LRRTM3: variants seen among roughly 807,000 people sequenced by gnomAD.
LRRTM3 encodes the protein leucine rich repeat transmembrane neuronal 3.
Under a neutral mutation model 44.7 loss-of-function variants are expected in LRRTM3, and 24 were observed. The observed-to-expected ratio is 0.54, with a 90% CI of 0.39 to 0.76. LRRTM3 has a LOEUF of 0.76. LRRTM3 is among the 30% of genes least tolerant of loss of function. The probability of loss-of-function intolerance (pLI) is 0.00; values close to 1 mark genes in which losing one functional copy is unlikely to be tolerated. For missense variants in LRRTM3, 587 were observed against 702.2 expected (o/e 0.84, Z 1.85); for synonymous variants, 277 against 278.7 (o/e 0.99, Z 0.06).
At chr10:67,049,658 A>T (rs1303729549) in intron 2 of LRRTM3, among the ~76,000 whole-genome samples, 1 of 152,194 alleles carries the variant, frequency 6.6e-6, no homozygotes, top group Admixed American at 6.5e-5. Flanking sequence ...CTGAATTTTC[A>T]GGGGTAGAAT....
chr10:67,031,154 T>C (rs540741527), intron 2 of LRRTM3, among the ~76,000 whole-genome samples: 22 of 152,328 alleles, frequency 1.4e-4, no homozygotes, highest in Non-Finnish European at 3.1e-4. Context: ...CTTAATAAAG[T>C]TGTATTATTC....
chr10:67,036,604 C>T (rs1854078143), intron 2 of LRRTM3, among the ~76,000 whole-genome samples: 1 of 152,112 alleles, frequency 6.6e-6, no homozygotes, highest in African/African-American at 2.4e-5. Context: ...ATCTTAAGCT[C>T]AAGTGATCAT....
At chr10:66,944,699 G>A (rs538095575) in intron 2 of LRRTM3, among the ~76,000 whole-genome samples, 1 of 152,282 alleles carries the variant, frequency 6.6e-6, no homozygotes, top group East Asian at 1.9e-4. Flanking sequence ...ATCCAAGACA[G>A]CAAGAGACTT....
intron 2 of LRRTM3, among the ~76,000 whole-genome samples, chr10:67,013,993 C>G (rs1293811568): frequency 6.6e-6 from 1 of 151,948 alleles, no homozygotes; most frequent in Admixed American, 6.6e-5. Context: ...TATAAACACT[C>G]CAGAGAATTT....
intron 2 of LRRTM3, among the ~76,000 whole-genome samples, chr10:67,080,046 G>T (rs910848498): frequency 1.3e-5 from 2 of 152,154 alleles, no homozygotes; most frequent in Non-Finnish European, 2.9e-5. Context: ...CCTACAGCAT[G>T]CAGAATTTAA....
intron 2 of LRRTM3, among the ~76,000 whole-genome samples, chr10:67,043,516 T>C (rs564560179): frequency 6.6e-6 from 1 of 152,316 alleles, no homozygotes; most frequent in South Asian, 2.1e-4. Flanking sequence ...AGTATAGGGT[T>C]TATTTCAATG....
chr10:67,080,636 A>G (rs929832218), intron 2 of LRRTM3, among the ~76,000 whole-genome samples: 1 of 152,180 alleles, frequency 6.6e-6, no homozygotes, highest in Non-Finnish European at 1.5e-5. Flanking sequence ...ACGGCCGGGC[A>G]TGGTGGCTCA....
intron 2 of LRRTM3, among the ~76,000 whole-genome samples, chr10:66,996,641 C>T (rs1287575141): frequency 1.3e-4 from 6 of 45,122 alleles, no homozygotes; most frequent in African/African-American, 4.4e-4. Context: ...AGTGAGACTC[C>T]GTCTCTACAA....
At chr10:66,976,438 C>G (rs1392568573) in intron 2 of LRRTM3, among the ~76,000 whole-genome samples, 2 of 152,094 alleles carry the variant, frequency 1.3e-5, no homozygotes, top group Non-Finnish European at 2.9e-5. Context: ...TTCTCACCAC[C>G]ACTTCTATTC....
intron 2 of LRRTM3, among the ~76,000 whole-genome samples, chr10:67,052,162 C>T (rs565259756): frequency 6.6e-6 from 1 of 152,284 alleles, no homozygotes; most frequent in South Asian, 2.1e-4. Context: ...TTTTCTTTCC[C>T]TGCTAGGTCC....
At chr10:67,010,727 G>A (rs114814378) in intron 2 of LRRTM3, among the ~76,000 whole-genome samples, 250 of 152,214 alleles carry the variant, frequency 1.6e-3, no homozygotes, top group African/African-American at 5.8e-3. Flanking sequence ...AAGAGCTTTC[G>A]ACTCAGCCAA....
chr10:67,031,083 G>A (rs1397052931), intron 2 of LRRTM3, among the ~76,000 whole-genome samples: 1 of 152,142 alleles, frequency 6.6e-6, no homozygotes, highest in African/African-American at 2.4e-5. Flanking sequence ...CGTCATACTT[G>A]ACTTCTGTTT....
chr10:66,927,704 A>G lies in LRRTM3; in HGVS notation c.788A>G (p.Asn263Ser). The change falls in exon 2 of 3, where the codon AAT becomes AGT. Residue 263 changes from asparagine to serine, a missense_variant. By Grantham distance (46) the Asn-to-Ser change is conservative. This residue lies in a region of LRRTM3 where 222 missense variants were observed against 323.3 expected (regional missense o/e 0.69). Transcript: ENST00000361320. The surrounding 1 kb of genome is among the most constrained non-coding windows in gnomAD (Gnocchi z 4.7). ...SSLQRLDLSG[N>S]EIEAFSGPSV... The stretch of plus-strand genomic sequence containing the variant: ...TTACAAAGGCTTGATTTATCAGGCA[A>G]TGAGATCGAAGCTTTCAGTGGACCC... 6.2e-7 allele frequency: 1 copy of G among 1,614,178 alleles called. No homozygotes were observed. The highest frequency in any genetic ancestry group is 8.5e-7 in the Non-Finnish European group (1 of 1,180,038).
chr10:67,003,140 G>A (rs1291983318), intron 2 of LRRTM3, among the ~76,000 whole-genome samples: 3 of 152,148 alleles, frequency 2.0e-5, no homozygotes, highest in Non-Finnish European at 2.9e-5. Flanking sequence ...TATGCATCCC[G>A]CCACAGTGAC....
intron 2 of LRRTM3, among the ~76,000 whole-genome samples, chr10:67,073,193 T>C (rs568136993): frequency 2.2e-3 from 332 of 152,320 alleles, no homozygotes; most frequent in African/African-American, 7.3e-3. Flanking sequence ...ATCTAATTTA[T>C]TTGGTTTGTA....
intron 2 of LRRTM3, among the ~76,000 whole-genome samples, chr10:66,971,348 C>T (rs901512310): frequency 1.3e-5 from 2 of 152,098 alleles, no homozygotes; most frequent in Non-Finnish European, 1.5e-5. Context: ...ATCGCTTGAA[C>T]CCGGGAGGCG....
rs3841706 is a variant in LRRTM3 at position 67,052,313 on chromosome 10, A to ACT, written c.1537-45234_1537-45233dup. On this transcript the variant is annotated intron_variant, in intron 2 of 2. Transcript: ENST00000361320. Reference sequence around the variant, plus strand: ...AGAAGAATCTTCACACCCACTCATCACTCTCTCTCTCTCTCTCTCTCTCTC... The same window carrying ACT: ...AGAAGAATCTTCACACCCACTCATCACTCTCTCTCTCTCTCTCTCTCTCTCTC... Among the ~76,000 whole-genome samples the ACT allele has an allele frequency of 8.1e-3, 983 of 121,078 alleles. 24 individuals carry two copies. The highest frequency in any genetic ancestry group is 0.027 in the African/African-American group (811 of 30,114). 79.4% of individuals were successfully genotyped at this position (121,078 alleles called of 152,430 possible).
intron 2 of LRRTM3, among the ~76,000 whole-genome samples, chr10:67,004,736 T>G (rs942458480): frequency 1.2e-4 from 18 of 152,204 alleles, no homozygotes; most frequent in Non-Finnish European, 2.4e-4. Context: ...TTAACTTATA[T>G]CATGTCAATT....
chr10:66,968,043 C>T (rs73331684), intron 2 of LRRTM3, among the ~76,000 whole-genome samples: 1 of 152,030 alleles, frequency 6.6e-6, no homozygotes, highest in Non-Finnish European at 1.5e-5. Flanking sequence ...AATTTATACT[C>T]TGAGCATGAA....
Sources: gnomAD v4.1 joint callset for allele counts (sites outside exome capture counted in the v4.1 genomes callset) on GRCh38, gnomAD v4.1.1 for gene constraint, gnomAD v4.1.1 regional missense constraint, Gnocchi (gnomAD v3.1) non-coding constraint, MANE v1.5 for transcripts, NCBI Gene and HGNC (gene_info 2026-07-23, HGNC 2026-07-21) for gene names.